Variants in CTBS observed in about 807,000 individuals in gnomAD.
CTBS encodes the protein chitobiase, also known as di-N-acetylchitobiase.
Under a neutral mutation model 44.3 loss-of-function variants are expected in CTBS, and 35 were observed. That is an observed-to-expected ratio of 0.79 (90% confidence interval 0.60 to 1.05). The LOEUF is 1.05. Among genes scored for constraint, CTBS ranks in the 50% least tolerant of loss-of-function variants. The pLI is 0.00. For synonymous variants in CTBS, 143 were observed against 168.0 expected (o/e 0.85, Z 1.15); for missense variants, 458 against 475.3 (o/e 0.96, Z 0.34).
chr1:84,555,035 CA>C lies in CTBS; in HGVS notation c.1121del (p.Met374SerfsTer5). On this transcript the variant is annotated frameshift_variant, in exon 7 of 7. Transcript: ENST00000370630. LOFTEE classifies it high-confidence loss of function. Reference protein sequence around the residue: ...DAVAKQQTEEMWEVLKPKLLQ... With the variant: ...DAVAKQQTEEXWEVLKPKLLQ... The stretch of plus-strand genomic sequence containing the variant: ...ACAGCTTTGGCTTTAAGACTTCCCA[CA>C]TTTCTTCAGTTTGCTGTTTGGCTAC... 6.2e-7 allele frequency: 1 copy of C among 1,613,990 alleles called. No homozygotes were observed.
At chr1:84,555,235 T>C (rs772343723) in intron 6 of CTBS, 36 bp from the exon 7 acceptor site, 21 of 1,507,802 alleles carry the variant, frequency 1.4e-5, no homozygotes, top group Non-Finnish European at 1.8e-6. Flanking sequence ...TTTTAAAGTA[T>C]TTAGTACAAT....
intron 1 of CTBS, among the ~76,000 whole-genome samples, chr1:84,573,606 G>GA (rs1332104071): frequency 2.6e-5 from 4 of 152,210 alleles, no homozygotes; most frequent in African/African-American, 9.7e-5. Context: ...GGACCTTCCT[G>GA]ATGTCATCCA....
intron 1 of CTBS, among the ~76,000 whole-genome samples, chr1:84,571,498 A>T (rs1647300666): frequency 6.6e-6 from 1 of 152,242 alleles, no homozygotes; most frequent in African/African-American, 2.4e-5. Context: ...ATTCTAAGGC[A>T]CCTGATGTTG....
chr1:84,552,916 G>A lies in CTBS; in HGVS notation c.*2083C>T. 1.5e-6 allele frequency: 1 copy of A among 650,830 alleles called. No individual in the cohort carries two copies. Among genetic ancestry groups the A allele is most frequent in the South Asian group, 1.8e-5 (1 of 54,498 alleles). The allele number at this position is 650,830 out of a possible 1,614,324, so 40.3% of individuals were successfully genotyped here. On this transcript the variant is annotated 3_prime_UTR_variant, in exon 7 of 7. Coordinates refer to ENST00000370630, the MANE Select transcript of CTBS (RefSeq NM_004388.3). ...TAATCCAGTGGGAGTTGAAAGCACT[G>A]AAGCCAAATGAGAGAAGACAGTTAA...
At chr1:84,563,076 C>T (rs1200189885) in intron 6 of CTBS, among the ~76,000 whole-genome samples, 181 bp downstream of exon 6, 1 of 152,178 alleles carries the variant, frequency 6.6e-6, no homozygotes, top group Non-Finnish European at 1.5e-5. Context: ...ACTCCAATTG[C>T]TCGCCAGGGA....
chr1:84,550,992 T>C lies in CTBS; in HGVS notation c.*4007A>G. 1.0e-6 allele frequency: 1 copy of C among 984,802 alleles called. No individual in the cohort carries two copies. The allele number at this position is 984,802 out of a possible 1,614,324, so 61.0% of individuals were successfully genotyped here. On this transcript the variant is annotated 3_prime_UTR_variant, in exon 7 of 7. Transcript: ENST00000370630. ...TCTACTAGATGTTAAGTTTCCTTCC[T>C]GGCAGAGACTATGCCTTAGTTAACT...
intron 6 of CTBS, among the ~76,000 whole-genome samples, chr1:84,556,273 G>C (rs149446742): frequency 1.5e-3 from 230 of 152,212 alleles, no homozygotes; most frequent in Non-Finnish European, 2.4e-3. Context: ...AGGTGAAAAA[G>C]ATAGGAGATA....
At chr1:84,561,909 G>A (rs966436699) in intron 6 of CTBS, among the ~76,000 whole-genome samples, 7 of 152,010 alleles carry the variant, frequency 4.6e-5, no homozygotes, top group African/African-American at 1.7e-4. Context: ...ATATGCACAG[G>A]GAAACAAAAA....
In CTBS at chr1:84,563,252, C is replaced by T; in HGVS notation, c.957+5G>A. The stretch of plus-strand genomic sequence containing the variant: ...TAAATGCTCATAACTTACGAAAAGT[C>T]TTACTTTATAGTTATAATAAGGAGC... On this transcript the variant is annotated splice_donor_5th_base_variant and intron_variant, in intron 6 of 6. Coordinates refer to ENST00000370630, the MANE Select transcript of CTBS (RefSeq NM_004388.3). The T allele has an allele frequency of 1.4e-6, 2 of 1,473,562 alleles. No individual in the cohort carries two copies. Among genetic ancestry groups the T allele is most frequent in the South Asian group, 2.8e-5 (2 of 70,982 alleles). 91.3% of individuals were successfully genotyped at this position (1,473,562 alleles called of 1,614,324 possible). A position where few individuals can be genotyped will look rare whatever the true frequency, so the allele number is the denominator to read the frequency against.
At chr1:84,557,480 C>T (rs1208780862) in intron 6 of CTBS, among the ~76,000 whole-genome samples, 1 of 145,934 alleles carries the variant, frequency 6.9e-6, no homozygotes, top group East Asian at 2.0e-4. Context: ...GCGCAGTCAG[C>T]CGAGATCGTG....
rs777248809 is a variant in CTBS at position 84,574,304 on chromosome 1, C to A, written c.112G>T (p.Gly38Trp). ...LALLALRLAA[G>W]TDCPCPEPEL... ...GGCTCCGGGCATGGGCAGTCGGTCC[C>A]GGCCGCGAGCCGCAGCGCCAGCAGC... Residue 38 changes from glycine (G) to tryptophan (W), a missense_variant, in exon 1 of 7, where the codon GGG becomes TGG. Gly to Trp is a radical substitution (Grantham distance 184, BLOSUM62 -2). Coordinates refer to ENST00000370630, the MANE Select transcript of CTBS (RefSeq NM_004388.3). The A allele has an allele frequency of 1.3e-6, 2 of 1,559,080 alleles. No homozygotes were observed. The highest frequency in any genetic ancestry group is 3.9e-5 in the Admixed American group (2 of 51,174).
Position 84,570,095 on chromosome 1 carries a change from A to G in CTBS, c.361T>C (p.Ser121Pro). ...AAATTAAGTTTTTGAGCTATCCAGG[A>G]TGCTCTGAAAGCAGGATCAATGATA... ...KDIIDPAFRASWIAQKLNLAK... is the reference protein window; with the variant it reads ...KDIIDPAFRAPWIAQKLNLAK... Residue 121 changes from serine to proline, a missense_variant, in exon 3 of 7, where the codon TCC becomes CCC. By Grantham distance (74) the Ser-to-Pro change is moderately conservative. Coordinates refer to ENST00000370630, the MANE Select transcript of CTBS (RefSeq NM_004388.3). 6.2e-7 allele frequency: 1 copy of G among 1,613,590 alleles called. No homozygotes were observed. Among genetic ancestry groups the G allele is most frequent in the Non-Finnish European group, 8.5e-7 (1 of 1,179,750 alleles).
rs1321686594 is a variant in CTBS, at chr1:84,551,685, C to T, written c.*3314G>A. 6.6e-6 allele frequency: 1 copy of T among 151,978 alleles called. No individual in the cohort carries two copies. Among genetic ancestry groups the T allele is most frequent in the Non-Finnish European group, 1.5e-5 (1 of 67,952 alleles). 9.4% of individuals were successfully genotyped at this position (151,978 alleles called of 1,614,324 possible). ...TGGTTTGGCACTGAGAAGCTTAAAA[C>T]TTAAAATAGAAAAGGAAAAGAGCAG... On this transcript the variant is annotated 3_prime_UTR_variant, in exon 7 of 7. Transcript: ENST00000370630.
intron 6 of CTBS, among the ~76,000 whole-genome samples, chr1:84,557,095 C>A (rs1287731059): frequency 6.6e-6 from 1 of 152,160 alleles, no homozygotes; most frequent in African/African-American, 2.4e-5. Context: ...ACATGTAAGA[C>A]TAATTTATGC....
rs972948940 is a variant in CTBS, at chr1:84,552,071, A to T, written c.*2928T>A. The stretch of plus-strand genomic sequence containing the variant: ...TTCAGCTTATAGGCTGGGGGGAAAA[A>T]ATCCTGTATTTAACCATAGTGCCTG... On this transcript the variant is annotated 3_prime_UTR_variant, in exon 7 of 7. Transcript: ENST00000370630. The T allele has an allele frequency of 1.3e-5, 2 of 152,166 alleles. No individual in the cohort carries two copies. The highest frequency in any genetic ancestry group is 2.4e-5 in the African/African-American group (1 of 41,446). 9.4% of individuals were successfully genotyped at this position (152,166 alleles called of 1,614,324 possible). A position where few individuals can be genotyped will look rare whatever the true frequency, so the allele number is the denominator to read the frequency against.
At position 84,550,119 on chromosome 1, in the gene CTBS, T is replaced by C. The variant is rs1684227231; in HGVS notation, c.*4880A>G. 2 of 167,720 alleles carry C rather than the reference T, an allele frequency of 1.2e-5. No individual in the cohort carries two copies. The highest frequency in any genetic ancestry group is 1.3e-5 in the Non-Finnish European group (1 of 78,490). 10.4% of individuals were successfully genotyped at this position (167,720 alleles called of 1,614,324 possible). On this transcript the variant is annotated 3_prime_UTR_variant, in exon 7 of 7. Transcript: ENST00000370630. Reference sequence around the variant, plus strand: ...GTATTTTAAAATAATTCTAATCTTATTCAGCTGATAAAGCATTATGACAAT... The same window carrying C: ...GTATTTTAAAATAATTCTAATCTTACTCAGCTGATAAAGCATTATGACAAT...
In CTBS at chr1:84,574,303, C is replaced by T; in HGVS notation, c.113G>A (p.Gly38Glu). 6.4e-7 allele frequency: 1 copy of T among 1,562,220 alleles called. No individual in the cohort carries two copies. Among genetic ancestry groups the T allele is most frequent in the Non-Finnish European group, 8.6e-7 (1 of 1,159,368 alleles). Residue 38 changes from glycine (G) to glutamate (E), a missense_variant, in exon 1 of 7, where the codon GGG becomes GAG. Coordinates refer to ENST00000370630, the MANE Select transcript of CTBS (RefSeq NM_004388.3). ...AGGCTCCGGGCATGGGCAGTCGGTC[C>T]CGGCCGCGAGCCGCAGCGCCAGCAG... ...LALLALRLAA[G>E]TDCPCPEPEL... is the part of the protein sequence containing the mutation.
chr1:84,550,694 A>G lies in CTBS; in HGVS notation c.*4305T>C. ...GCATAGGTGAAAAAAAAAATGCAGGAAGAAAAACTAAACCTGTGAAAAGAT... is the reference window on the plus strand; with the variant it reads ...GCATAGGTGAAAAAAAAAATGCAGGGAGAAAAACTAAACCTGTGAAAAGAT... On this transcript the variant is annotated 3_prime_UTR_variant, in exon 7 of 7. Transcript: ENST00000370630. 1 of 1,195,768 alleles carries G rather than the reference A, an allele frequency of 8.4e-7. No homozygotes were observed. Among genetic ancestry groups the G allele is most frequent in the Non-Finnish European group, 1.0e-6 (1 of 956,372 alleles). 74.1% of individuals were successfully genotyped at this position (1,195,768 alleles called of 1,614,324 possible).
In CTBS at chr1:84,553,215, A is replaced by G. The variant is rs1684330471; in HGVS notation, c.*1784T>C. 6.9e-6 allele frequency: 5 copies of G among 721,116 alleles called. No individual in the cohort carries two copies. Among genetic ancestry groups the G allele is most frequent in the Non-Finnish European group, 1.1e-5 (5 of 455,972 alleles). The allele number at this position is 721,116 out of a possible 1,614,324, so 44.7% of individuals were successfully genotyped here. On this transcript the variant is annotated 3_prime_UTR_variant, in exon 7 of 7. Coordinates refer to ENST00000370630, the MANE Select transcript of CTBS (RefSeq NM_004388.3). The stretch of plus-strand genomic sequence containing the variant: ...CCATTATTCTCCTTGGCAATGTTTT[A>G]TAAAAAGCACAAGGTTTCTCTTTCT...
Sources: allele counts gnomAD v4.1 joint callset (sites outside exome capture counted in the v4.1 genomes callset), GRCh38; gene constraint gnomAD v4.1.1; transcripts MANE v1.5; gene names NCBI Gene and HGNC (gene_info 2026-07-23, HGNC 2026-07-21).